The following GDAP1 variants were observed in gnomAD, a reference collection of about 807,000 sequenced individuals.
The protein encoded by GDAP1 is ganglioside induced differentiation associated protein 1, also known as ganglioside-induced differentiation-associated protein 1.
GDAP1 carries 34 observed loss-of-function variants against 40.1 expected under a neutral mutation model. The ratio of observed to expected loss-of-function variants is 0.85; its 90% CI spans 0.64 to 1.13. The LOEUF (loss-of-function observed/expected upper bound fraction) is 1.13. Ranked by LOEUF, GDAP1 falls within the 50% of genes most tolerant of loss-of-function variation. GDAP1 has a pLI of 0.00. For synonymous variants in GDAP1, 170 were observed against 157.4 expected, an observed-to-expected ratio of 1.08 and a Z score of -0.60; for missense variants, 374 against 433.7, an observed-to-expected ratio of 0.86 and a Z score of 1.22.
chr8:74,362,242 A>G (rs1202529285), intron 4 of GDAP1, among the ~76,000 whole-genome samples: 1 of 152,222 alleles, frequency 6.6e-6, no homozygotes, highest in Non-Finnish European at 1.5e-5. Context: ...TTCATAACAT[A>G]TTCTAGAATC....
At chr8:74,449,585 T>A (rs1806272480) in intron 2 of GDAP1, among the ~76,000 whole-genome samples, 1 of 151,912 alleles carries the variant, frequency 6.6e-6, no homozygotes. Flanking sequence ...TTTATGTTAT[T>A]AAATTTTGTT....
At chr8:74,439,755 A>G (rs773976744) in intron 2 of GDAP1, among the ~76,000 whole-genome samples, 3 of 151,956 alleles carry the variant, frequency 2.0e-5, no homozygotes, top group Non-Finnish European at 4.4e-5. Flanking sequence ...CATTCTTTCC[A>G]TTATCACTCT....
Position 74,416,212 on chromosome 8 carries a change from G to A in GDAP1, c.165+64891G>A, listed in dbSNP as rs575416163. ...GGGAAGCCAGAGTGTGGACTTGCCC[G>A]ACCCAGCCCCAACCTGGCTTTGCCC... On this transcript the variant is annotated intron_variant, in intron 2 of 2. Coordinates refer to the GDAP1 transcript ENST00000523640. Among the ~76,000 whole-genome samples, 9 of 149,958 alleles carry A rather than the reference G, an allele frequency of 6.0e-5. No homozygotes were observed. The South Asian group carries it at 1.2e-3, about 21-fold the overall frequency.
chr8:74,415,093 A>G (rs532847045), intron 2 of GDAP1, among the ~76,000 whole-genome samples: 1 of 150,246 alleles, frequency 6.7e-6, no homozygotes, highest in East Asian at 1.9e-4. Context: ...ATCCTTCCAG[A>G]GTGAAAGAGT....
At chr8:74,461,823 T>G (rs1439498545) in intron 2 of GDAP1, among the ~76,000 whole-genome samples, 1 of 152,250 alleles carries the variant, frequency 6.6e-6, no homozygotes, top group Non-Finnish European at 1.5e-5. Flanking sequence ...GTATTTTTCA[T>G]TCCTACAAAA....
At chr8:74,472,599 G>T (rs1563478885) in intron 2 of GDAP1, among the ~76,000 whole-genome samples, 1 of 150,342 alleles carries the variant, frequency 6.7e-6, no homozygotes, top group African/African-American at 2.4e-5. Flanking sequence ...ACCAGCATCT[G>T]TTTTTTTTTG....
At chr8:74,433,059 C>T (rs1806046951) in intron 2 of GDAP1, among the ~76,000 whole-genome samples, 1 of 152,170 alleles carries the variant, frequency 6.6e-6, no homozygotes, top group African/African-American at 2.4e-5. Context: ...TGCCACTAAT[C>T]AGCTGTCCCA....
intron 2 of GDAP1, among the ~76,000 whole-genome samples, chr8:74,466,521 T>C (rs894628516): frequency 6.6e-6 from 1 of 152,012 alleles, no homozygotes; most frequent in East Asian, 1.9e-4. Flanking sequence ...TGAGAAGGAG[T>C]GCTGCATAGA....
intron 2 of GDAP1, among the ~76,000 whole-genome samples, chr8:74,468,516 CACACACACAT>C (rs1239428371): frequency 2.3e-4 from 29 of 125,620 alleles, no homozygotes; most frequent in African/African-American, 4.0e-4. Context: ...CACACACACA[CACACACACAT>C]GAATGTGTAT....
intron 2 of GDAP1, among the ~76,000 whole-genome samples, chr8:74,384,962 A>G (rs186071533): frequency 6.6e-6 from 1 of 152,306 alleles, no homozygotes; most frequent in African/African-American, 2.4e-5. Flanking sequence ...ATTCCAAACC[A>G]CAGTTGAATG....
chr8:74,384,061 T>C (rs914884036), intron 2 of GDAP1, among the ~76,000 whole-genome samples: 1 of 152,210 alleles, frequency 6.6e-6, no homozygotes, highest in African/African-American at 2.4e-5. Context: ...AACTTCTTAT[T>C]TGGAATACAA....
rs1329646954 is a variant in GDAP1, at chr8:74,452,203, G to T, written c.166-36475G>T. Reference sequence around the variant, plus strand: ...CTGACCTTGTGATCTGCCCACCTCGGCCTCCCAAAGTGCTGGGATTACAGG... The same window carrying T: ...CTGACCTTGTGATCTGCCCACCTCGTCCTCCCAAAGTGCTGGGATTACAGG... On this transcript the variant is annotated intron_variant, in intron 2 of 2. Transcript: ENST00000523640. Among the ~76,000 whole-genome samples, 2 of 82,506 alleles carry T rather than the reference G, an allele frequency of 2.4e-5. 1 individual carries two copies. 54.1% of individuals were successfully genotyped at this position (82,506 alleles called of 152,430 possible).
chr8:74,360,343 T>C (rs1809305608), intron 3 of GDAP1, 33 bp downstream of exon 3: 1 of 1,545,920 alleles, frequency 6.5e-7, no homozygotes, highest in Non-Finnish European at 8.9e-7. Flanking sequence ...TGGAATTCTG[T>C]CTGACACTTT....
chr8:74,414,933 A>G (rs1805760098), intron 2 of GDAP1, among the ~76,000 whole-genome samples: 2 of 150,224 alleles, frequency 1.3e-5, no homozygotes, highest in South Asian at 4.1e-4. Context: ...ATTCAAAGCA[A>G]ACAGAGAAAA....
At position 74,378,131 on chromosome 8, in the gene GDAP1, G is replaced by C. The variant is rs370099127; in HGVS notation, c.165+26810G>C. Among the ~76,000 whole-genome samples, 8 of 152,144 alleles carry C rather than the reference G, an allele frequency of 5.3e-5. No homozygotes were observed. In the East Asian group the frequency reaches 1.5e-3, roughly 29 times the overall value. On this transcript the variant is annotated intron_variant, in intron 2 of 2. Transcript: ENST00000523640. Reference sequence around the variant, plus strand: ...AAAATCAGTGTATCAGTGCCATTTTGGCAAACTAATCTCATGTGATTATGT... The same window carrying C: ...AAAATCAGTGTATCAGTGCCATTTTCGCAAACTAATCTCATGTGATTATGT...
intron 2 of GDAP1, among the ~76,000 whole-genome samples, chr8:74,442,822 T>A (rs144757050): frequency 1.3e-5 from 2 of 152,290 alleles, no homozygotes; most frequent in Non-Finnish European, 2.9e-5. Context: ...TCAAAATGCT[T>A]GGACATTTCC....
chr8:74,396,920 G>C (rs1454939101), intron 2 of GDAP1, among the ~76,000 whole-genome samples: 1 of 152,148 alleles, frequency 6.6e-6, no homozygotes, highest in Non-Finnish European at 1.5e-5. Context: ...AGATCCCTGA[G>C]GAATCGCCAC....
chr8:74,410,331 G>A lies in GDAP1; in HGVS notation c.165+59010G>A, dbSNP rs182646001. 1.1e-4 allele frequency among the ~76,000 whole-genome samples: 17 copies of A among 150,028 alleles called. No homozygotes were observed. In the East Asian group the frequency reaches 3.3e-3, roughly 29 times the overall value. On this transcript the variant is annotated intron_variant, in intron 2 of 2. Coordinates refer to the GDAP1 transcript ENST00000523640. ...TCCAACCAGAAACTATTGGGAATTGGCGATGTTACATTTTTTACCATTAGC... is the reference window on the plus strand; with the variant it reads ...TCCAACCAGAAACTATTGGGAATTGACGATGTTACATTTTTTACCATTAGC...
chr8:74,417,210 A>G lies in GDAP1; in HGVS notation c.165+65889A>G, dbSNP rs116675166. Among the ~76,000 whole-genome samples, 915 of 150,052 alleles carry G rather than the reference A, an allele frequency of 6.1e-3. 98 individuals carry two copies. The highest frequency in any genetic ancestry group is 0.022 in the African/African-American group (854 of 39,380). The stretch of plus-strand genomic sequence containing the variant: ...AAATTGACAAAATGTTGATTTATTC[A>G]TGATAAAAACTCTCAGCTTACATAG... On this transcript the variant is annotated intron_variant, in intron 2 of 2. Transcript: ENST00000523640.
Sources: gnomAD v4.1 joint callset for allele counts (sites outside exome capture counted in the v4.1 genomes callset) on GRCh38, gnomAD v4.1.1 for gene constraint, MANE v1.5 for transcripts, NCBI Gene and HGNC (gene_info 2026-07-23, HGNC 2026-07-21) for gene names.